The following PRTG variants were observed in gnomAD, a reference collection of about 807,000 sequenced individuals.
PRTG encodes protogenin.
In PRTG, 67 loss-of-function variants were observed where a neutral mutation model predicts 122.5. The observed-to-expected ratio is 0.55, with a 90% CI of 0.45 to 0.67. PRTG has a LOEUF of 0.67. Among genes scored for constraint, PRTG ranks in the 30% least tolerant of loss-of-function variants. PRTG has a pLI of 0.00. For missense variants in PRTG, 1,435 were observed against 1,415.4 expected, an observed-to-expected ratio of 1.01 and a Z score of -0.22; for synonymous variants, 554 against 501.1, an observed-to-expected ratio of 1.11 and a Z score of -1.41.
chr15:55,677,753 A>G (rs1188524315), intron 8 of PRTG, 44 bp downstream of exon 8: 1 of 1,584,578 alleles, frequency 6.3e-7, no homozygotes, highest in Non-Finnish European at 8.6e-7. Flanking sequence ...CAAATCCTTG[A>G]TAGCAAGGAG....
Position 55,679,296 on chromosome 15 carries a change from T to C in PRTG, c.1123A>G (p.Met375Val). ...RKIHSNGRIK[M>V]YNSKLVINQI... ...AGTTACACAGCCTACCTGTTGTACA[T>C]TTTAATTCTACCATTCGAATGTATC... The change falls in exon 7 of 20, where the codon ATG becomes GTG. Residue 375 changes from methionine to valine, a missense_variant. Coordinates refer to ENST00000389286, the MANE Select transcript of PRTG (RefSeq NM_173814.6). 1 of 1,611,458 alleles carries C rather than the reference T, an allele frequency of 6.2e-7. No homozygotes were observed.
intron 2 of PRTG, among the ~76,000 whole-genome samples, chr15:55,685,495 C>A (rs906389098): frequency 6.6e-6 from 1 of 152,118 alleles, no homozygotes; most frequent in Non-Finnish European, 1.5e-5. Flanking sequence ...CTTGAATATA[C>A]GGTGTTTTCC....
chr15:55,645,157 C>G (rs570487504), intron 11 of PRTG, among the ~76,000 whole-genome samples: 7 of 151,798 alleles, frequency 4.6e-5, no homozygotes, highest in Non-Finnish European at 8.8e-5. Context: ...TGGAAGGGGC[C>G]GGGCGCGGTG....
Position 55,615,006 on chromosome 15 carries a change from C to T in PRTG, c.*5006G>A, listed in dbSNP as rs1170982610. The T allele has an allele frequency of 6.6e-6, 1 of 152,062 alleles. No individual in the cohort carries two copies. The highest frequency in any genetic ancestry group is 2.4e-5 in the African/African-American group (1 of 41,438). The allele number at this position is 152,062 out of a possible 1,614,324, so 9.4% of individuals were successfully genotyped here. On this transcript the variant is annotated 3_prime_UTR_variant, in exon 20 of 20. Coordinates refer to ENST00000389286, the MANE Select transcript of PRTG (RefSeq NM_173814.6). ...AGGAACTTCAGTTGGGGAGATTATC[C>T]TGGATTATTTAGGTGGGCTCAATGT... is the stretch of plus-strand genomic sequence containing the variant.
chr15:55,645,221 G>A (rs553043811), intron 11 of PRTG, among the ~76,000 whole-genome samples: 2 of 151,212 alleles, frequency 1.3e-5, no homozygotes, highest in East Asian at 3.9e-4. Context: ...GGATCACGAG[G>A]TCAGGAGATC....
chr15:55,701,590 A>G (rs1212931120), intron 2 of PRTG, among the ~76,000 whole-genome samples: 1 of 152,202 alleles, frequency 6.6e-6, no homozygotes, highest in African/African-American at 2.4e-5. Flanking sequence ...TATTTACTCA[A>G]TAGAAATAAA....
rs1368883437 is a variant in PRTG at position 55,615,896 on chromosome 15, G to C, written c.*4116C>G. 6.6e-6 allele frequency: 1 copy of C among 152,038 alleles called. No individual in the cohort carries two copies. The highest frequency in any genetic ancestry group is 1.5e-5 in the Non-Finnish European group (1 of 67,986). 9.4% of individuals were successfully genotyped at this position (152,038 alleles called of 1,614,324 possible). A position where few individuals can be genotyped will look rare whatever the true frequency, so the allele number is the denominator to read the frequency against. On this transcript the variant is annotated 3_prime_UTR_variant, in exon 20 of 20. Coordinates refer to ENST00000389286, the MANE Select transcript of PRTG (RefSeq NM_173814.6). The stretch of plus-strand genomic sequence containing the variant: ...GACACGATCTGAATTGTTTTCAAAG[G>C]TGTCTGCATAAGAACTTGAACAATG...
At chr15:55,729,790 C>T (rs2031166501) in intron 2 of PRTG, among the ~76,000 whole-genome samples, 1 of 152,038 alleles carries the variant, frequency 6.6e-6, no homozygotes, top group Non-Finnish European at 1.5e-5. Flanking sequence ...AGTCTCACTC[C>T]ATTGGTGGTT....
chr15:55,710,492 G>A (rs1263049577), intron 2 of PRTG, among the ~76,000 whole-genome samples: 1 of 152,152 alleles, frequency 6.6e-6, no homozygotes, highest in African/African-American at 2.4e-5. Flanking sequence ...TTCAGTTTAT[G>A]GCTTTCTCTT....
At chr15:55,704,771 CCTCT>C (rs796569876) in intron 2 of PRTG, among the ~76,000 whole-genome samples, 2 of 152,278 alleles carry the variant, frequency 1.3e-5, no homozygotes, top group African/African-American at 2.4e-5. Flanking sequence ...CTACGAAATG[CCTCT>C]CTCTTTCATC....
At chr15:55,691,296 CAA>C (rs59129695) in intron 2 of PRTG, among the ~76,000 whole-genome samples, 11,096 of 82,798 alleles carry the variant, frequency 0.13, 711 homozygotes, top group East Asian at 0.4. Context: ...AACTCTGTTT[CAA>C]AAAAAAAAAA....
At chr15:55,643,002 G>A (rs2059300981) in intron 11 of PRTG, among the ~76,000 whole-genome samples, 1 of 152,072 alleles carries the variant, frequency 6.6e-6, no homozygotes, top group Non-Finnish European at 1.5e-5. Flanking sequence ...GAGCCCAGGA[G>A]GTGGAGACTG....
intron 17 of PRTG, 110 bp from the exon 18 acceptor site, chr15:55,624,617 C>A (rs2059185073): frequency 1.1e-5 from 8 of 722,100 alleles, no homozygotes; most frequent in East Asian, 2.9e-5. Context: ...CTTTAATACC[C>A]ATTTCTCAAA....
At chr15:55,658,040 T>C (rs1332359478) in intron 11 of PRTG, among the ~76,000 whole-genome samples, 2 of 152,232 alleles carry the variant, frequency 1.3e-5, no homozygotes, top group Non-Finnish European at 2.9e-5. Flanking sequence ...ATGTGTTTTA[T>C]AACCTGCTTT....
intron 2 of PRTG, among the ~76,000 whole-genome samples, chr15:55,708,557 G>A (rs1451612444): frequency 3.3e-5 from 5 of 151,438 alleles, no homozygotes; most frequent in African/African-American, 7.3e-5. Context: ...GCAGCAAGCC[G>A]AGATCACACC....
At chr15:55,687,645 A>G (rs1282160740) in intron 2 of PRTG, among the ~76,000 whole-genome samples, 1 of 152,222 alleles carries the variant, frequency 6.6e-6, no homozygotes, top group Non-Finnish European at 1.5e-5. Context: ...AAATTCTGAA[A>G]ACTGAAACAT....
At chr15:55,718,389 CT>C (rs2030680273) in intron 2 of PRTG, among the ~76,000 whole-genome samples, 1 of 152,140 alleles carries the variant, frequency 6.6e-6, no homozygotes, top group African/African-American at 2.4e-5. Flanking sequence ...TCCCTCCCGC[CT>C]GTCCCCTCAG....
At position 55,738,546 on chromosome 15, in the gene PRTG, T is replaced by G. The variant is rs10152623; in HGVS notation, c.397+1836A>C. On this transcript the variant is annotated intron_variant, in intron 2 of 19. Transcript: ENST00000389286. ...AGTTCCTGAAGATGAAAACACAGGA[T>G]TCTACAAACTCTAAAAGGTGGGAAA... The G allele has an allele frequency of 3.9e-3, 2,727 of 700,944 alleles. 52 individuals carry two copies. In the African/African-American group the frequency reaches 0.043, roughly 11 times the overall value. 43.4% of individuals were successfully genotyped at this position (700,944 alleles called of 1,614,324 possible).
At chr15:55,718,592 G>A (rs1176096075) in intron 2 of PRTG, among the ~76,000 whole-genome samples, 1 of 149,892 alleles carries the variant, frequency 6.7e-6, no homozygotes, top group African/African-American at 2.5e-5. Flanking sequence ...CTGCACCCAC[G>A]TGAAATAAAC....
Sources: gnomAD v4.1 joint callset for allele counts (sites outside exome capture counted in the v4.1 genomes callset) on GRCh38, gnomAD v4.1.1 for gene constraint, MANE v1.5 for transcripts, NCBI Gene and HGNC (gene_info 2026-07-23, HGNC 2026-07-21) for gene names.